The following EFNB2 variants were observed in gnomAD, a reference collection of about 807,000 sequenced individuals.
EFNB2 encodes ephrin-B2.
A neutral mutation model predicts 32.1 loss-of-function variants in EFNB2; 5 were observed. That is an observed-to-expected ratio of 0.16 (90% CI 0.08 to 0.33). EFNB2 has a LOEUF of 0.33. Ranked by LOEUF, EFNB2 falls within the 10% of genes least tolerant of loss-of-function variation. The pLI is 1.00. For missense variants in EFNB2, 263 were observed against 422.6 expected (o/e 0.62, Z 3.31); for synonymous variants, 168 against 166.5 (o/e 1.01, Z -0.07).
chr13:106,515,296 C>T (rs1470996028), intron 1 of EFNB2, among the ~76,000 whole-genome samples: 1 of 152,134 alleles, frequency 6.6e-6, no homozygotes, highest in South Asian at 2.1e-4. Flanking sequence ...ACACGCCAGG[C>T]CTTCCTTGAT....
intron 2 of EFNB2, among the ~76,000 whole-genome samples, chr13:106,508,141 C>T (rs1000555432): frequency 3.3e-5 from 5 of 152,068 alleles, no homozygotes; most frequent in African/African-American, 1.2e-4. Context: ...GGTCGACACA[C>T]CAAACCTGCT....
At chr13:106,532,430 C>T (rs896151836) in intron 1 of EFNB2, among the ~76,000 whole-genome samples, 19 of 152,114 alleles carry the variant, frequency 1.2e-4, no homozygotes, top group Admixed American at 4.6e-4. Context: ...AACTTCAATG[C>T]ATTTGATTAC....
intron 2 of EFNB2, among the ~76,000 whole-genome samples, chr13:106,502,369 T>C (rs531767606): frequency 2.0e-5 from 3 of 152,294 alleles, no homozygotes; most frequent in East Asian, 3.9e-4. Flanking sequence ...AATGGTACAG[T>C]TTTATTTCTT....
intron 1 of EFNB2, among the ~76,000 whole-genome samples, chr13:106,534,290 G>T (rs1457160098): frequency 6.6e-6 from 1 of 152,118 alleles, no homozygotes; most frequent in African/African-American, 2.4e-5. Context: ...GCACCCTCGG[G>T]CTGGCGGCGC....
intron 2 of EFNB2, chr13:106,506,413 C>G (rs1234058085): frequency 6.6e-6 from 1 of 152,234 alleles, no homozygotes; most frequent in Non-Finnish European, 1.5e-5. Flanking sequence ...CCTCCCCTGT[C>G]TGTCTCTTTT....
intron 2 of EFNB2, among the ~76,000 whole-genome samples, chr13:106,511,725 G>C (rs1879145590): frequency 6.6e-6 from 1 of 152,144 alleles, no homozygotes; most frequent in South Asian, 2.1e-4. Flanking sequence ...TTCATTGCTT[G>C]AATGACGCGA....
At chr13:106,533,331 T>C (rs1594181212) in intron 1 of EFNB2, among the ~76,000 whole-genome samples, 1 of 151,776 alleles carries the variant, frequency 6.6e-6, no homozygotes, top group African/African-American at 2.4e-5. Context: ...CTAGCCCGGC[T>C]CCTTCCGGCA....
chr13:106,495,571 A>G (rs1367919452), intron 3 of EFNB2, among the ~76,000 whole-genome samples, 177 bp downstream of exon 3: 1 of 152,232 alleles, frequency 6.6e-6, no homozygotes, highest in African/African-American at 2.4e-5. Flanking sequence ...TAGATCTCCA[A>G]TAAAAGCTTA....
rs770833245 is a variant in EFNB2, at chr13:106,493,147, C to T, written c.895G>A (p.Val299Ile). ...IIIPLRTADS[V>I]FCPHYEKVSG... ...ACCTTCTCGTAGTGAGGGCAGAAGA[C>T]GCTGTCCGCAGTCCTTAGCGGGATG... is the stretch of plus-strand genomic sequence containing the variant. Residue 299 changes from valine to isoleucine, a missense_variant, in exon 5 of 5, where the codon GTC (valine) becomes ATC (isoleucine). This residue lies in a region of EFNB2 where 172 missense variants were observed against 237.1 expected (regional missense o/e 0.73). Coordinates refer to ENST00000646441, the MANE Select transcript of EFNB2 (RefSeq NM_004093.4). The surrounding 1 kb of genome is among the most constrained non-coding windows in gnomAD (Gnocchi z 6.1). 13 of 1,613,972 alleles carry T rather than the reference C, an allele frequency of 8.1e-6. 1 individual carries two copies. Among genetic ancestry groups the T allele is most frequent in the Middle Eastern group, 3.3e-4 (2 of 6,084 alleles).
At chr13:106,509,534 G>A (rs867997903) in intron 2 of EFNB2, among the ~76,000 whole-genome samples, 13 of 151,854 alleles carry the variant, frequency 8.6e-5, no homozygotes, top group Non-Finnish European at 1.3e-4. Flanking sequence ...AATACTTTCC[G>A]TCATGCTACC....
rs1878427564 is a variant in EFNB2, at chr13:106,492,107, C to T, written c.*933G>A. On this transcript the variant is annotated 3_prime_UTR_variant, in exon 5 of 5. Coordinates refer to ENST00000646441, the MANE Select transcript of EFNB2 (RefSeq NM_004093.4). The surrounding 1 kb of genome is among the most constrained non-coding windows in gnomAD (Gnocchi z 5.1). The stretch of plus-strand genomic sequence containing the variant: ...CCGGAATGAAGAGGGGCTTTTCTTC[C>T]TGCACATCGCTATTTGATAACAGCG... 1 of 152,678 alleles carries T rather than the reference C, an allele frequency of 6.5e-6. No individual in the cohort carries two copies. Among genetic ancestry groups the T allele is most frequent in the Non-Finnish European group, 1.5e-5 (1 of 68,070 alleles). 9.5% of individuals were successfully genotyped at this position (152,678 alleles called of 1,614,324 possible). A position where few individuals can be genotyped will look rare whatever the true frequency, so the allele number is the denominator to read the frequency against.
chr13:106,500,874 C>T (rs1878755235), intron 2 of EFNB2, among the ~76,000 whole-genome samples: 1 of 152,108 alleles, frequency 6.6e-6, no homozygotes, highest in African/African-American at 2.4e-5. Context: ...CCAGTAACAA[C>T]ATGGAAAGCA....
Position 106,501,139 on chromosome 13 carries a change from T to G in EFNB2, c.407-5299A>C, listed in dbSNP as rs115269950. On this transcript the variant is annotated intron_variant, in intron 2 of 4. Transcript: ENST00000646441. ...AAGAATTCAATTTCTGAAACTCAAATTAATGTAGTTGAATGCCTTGAGTTT... is the reference window on the plus strand; with the variant it reads ...AAGAATTCAATTTCTGAAACTCAAAGTAATGTAGTTGAATGCCTTGAGTTT... Among the ~76,000 whole-genome samples the G allele has an allele frequency of 1.3e-3, 197 of 152,328 alleles. 1 individual carries two copies. Among genetic ancestry groups the G allele is most frequent in the African/African-American group, 4.6e-3 (192 of 41,584 alleles).
chr13:106,496,415 CCT>C (rs1421194232), intron 2 of EFNB2, among the ~76,000 whole-genome samples: 7 of 152,194 alleles, frequency 4.6e-5, no homozygotes, highest in South Asian at 2.1e-4. Context: ...CAAAATCTCC[CCT>C]TTTTCCTCCA....
rs1179091664 is a variant in EFNB2, at chr13:106,535,622, C to G, written c.-658G>C. The G allele has an allele frequency of 6.6e-6, 1 of 150,526 alleles. No homozygotes were observed. The highest frequency in any genetic ancestry group is 2.4e-5 in the African/African-American group (1 of 41,174). The allele number at this position is 150,526 out of a possible 1,614,324, so 9.3% of individuals were successfully genotyped here. ...GGGACCCGCTGCGTGCGCAGCTCCT[C>G]GCTCCGGCCGGCGCCGCGGTCCCCG... On this transcript the variant is annotated 5_prime_UTR_variant, in exon 1 of 5. Transcript: ENST00000646441.
At chr13:106,502,087 A>G (rs2138908233) in intron 2 of EFNB2, among the ~76,000 whole-genome samples, 1 of 152,322 alleles carries the variant, frequency 6.6e-6, no homozygotes, top group South Asian at 2.1e-4. Context: ...ATATCGTTCA[A>G]TATGATAGGA....
Position 106,518,651 on chromosome 13 carries a change from CT to C in EFNB2, c.123-5840del, listed in dbSNP as rs1402011023. ...TGGACGGAGGCAGTGGTCGCCTGAT[CT>C]ATTTCTGCACTTTGCCCAGTGTAAT... On this transcript the variant is annotated intron_variant, in intron 1 of 4. Transcript: ENST00000646441. This position sits in a 1 kb window ranked among gnomAD's most constrained non-coding sequence, Gnocchi z 4.1. 6.6e-6 allele frequency: 1 copy of C among 152,212 alleles called. No individual in the cohort carries two copies. The highest frequency in any genetic ancestry group is 2.4e-5 in the African/African-American group (1 of 41,434). The allele number at this position is 152,212 out of a possible 1,614,324, so 9.4% of individuals were successfully genotyped here. A position where few individuals can be genotyped will look rare whatever the true frequency, so the allele number is the denominator to read the frequency against.
intron 1 of EFNB2, 130 bp downstream of exon 1, chr13:106,534,713 G>T: frequency 9.3e-7 from 1 of 1,070,718 alleles, no homozygotes; most frequent in Non-Finnish European, 1.3e-6. Context: ...GGCGGGGGTT[G>T]GGGGTGGGGG....
chr13:106,508,560 T>C (rs8002701), intron 2 of EFNB2, among the ~76,000 whole-genome samples: 82,506 of 151,890 alleles, frequency 0.54, 22,645 homozygotes, highest in East Asian at 0.57. Flanking sequence ...CTTGAAAAAG[T>C]CAATTCTAAA....
Sources: allele counts gnomAD v4.1 joint callset (sites outside exome capture counted in the v4.1 genomes callset), GRCh38; gene constraint gnomAD v4.1.1; regional missense constraint gnomAD v4.1.1; non-coding constraint Gnocchi (gnomAD v3.1); transcripts MANE v1.5; gene names NCBI Gene and HGNC (gene_info 2026-07-23, HGNC 2026-07-21).